PHIP: variants seen among roughly 807,000 people sequenced by gnomAD.
PHIP encodes PHIP subunit of CUL4-Ring ligase complex.
In PHIP, 54 loss-of-function variants were observed where a neutral mutation model predicts 236.8. The ratio of observed to expected loss-of-function variants is 0.23; its 90% CI spans 0.18 to 0.29. The LOEUF is 0.29. Ranked by LOEUF, PHIP falls within the 10% of genes least tolerant of loss-of-function variation. The pLI is 1.00. For missense variants in PHIP, 1,370 were observed against 2,190.8 expected (o/e 0.63, Z 7.48); for synonymous variants, 756 against 718.9 (o/e 1.05, Z -0.83).
chr6:79,069,201 C>T (rs1365268609), intron 4 of PHIP, among the ~76,000 whole-genome samples: 1 of 147,702 alleles, frequency 6.8e-6, no homozygotes, highest in Non-Finnish European at 1.5e-5. Flanking sequence ...ATATAATATA[C>T]AATATATAAA....
intron 7 of PHIP, among the ~76,000 whole-genome samples, chr6:79,042,296 T>C (rs1287530312): frequency 6.6e-6 from 1 of 151,958 alleles, no homozygotes; most frequent in East Asian, 1.9e-4. Flanking sequence ...AGAGGCTCTA[T>C]AAACAAAACA....
chr6:78,975,756 A>C (rs1435703274), intron 24 of PHIP, among the ~76,000 whole-genome samples: 1 of 152,030 alleles, frequency 6.6e-6, no homozygotes, highest in African/African-American at 2.4e-5. Context: ...CCAAATCATG[A>C]GTGAACTCCC....
intron 23 of PHIP, among the ~76,000 whole-genome samples, chr6:78,980,588 A>G (rs908149333): frequency 6.6e-6 from 1 of 152,010 alleles, no homozygotes. Flanking sequence ...AGCTTGGTAA[A>G]TAAGTTTTGT....
At chr6:78,991,476 A>G (rs1229806539) in intron 19 of PHIP, among the ~76,000 whole-genome samples, 1 of 152,190 alleles carries the variant, frequency 6.6e-6, no homozygotes, top group African/African-American at 2.4e-5. Context: ...CACCGACTGA[A>G]AAAACTCAAA....
In PHIP at chr6:79,048,003, AT is replaced by A. The variant is rs369839344; in HGVS notation, c.440-5001del. On this transcript the variant is annotated intron_variant, in intron 6 of 39. Transcript: ENST00000275034. ...TATATATGGTTATATATACATATGT[AT>A]TTTTTTTTTTTCTGTGCTGGGCCAC... Among the ~76,000 whole-genome samples, 294 of 144,676 alleles carry A rather than the reference AT, an allele frequency of 2.0e-3. 1 individual carries two copies. The highest frequency in any genetic ancestry group is 0.013 in the South Asian group (59 of 4,632). The allele number at this position is 144,676 out of a possible 152,430, so 94.9% of individuals were successfully genotyped here. A position where few individuals can be genotyped will look rare whatever the true frequency, so the allele number is the denominator to read the frequency against.
chr6:78,966,990 A>C (rs928014240), intron 27 of PHIP, among the ~76,000 whole-genome samples: 1 of 152,250 alleles, frequency 6.6e-6, no homozygotes, highest in African/African-American at 2.4e-5. Context: ...TTGACTAATG[A>C]GTTCTATTAA....
chr6:79,034,302 T>C (rs527496784), intron 7 of PHIP, among the ~76,000 whole-genome samples: 3 of 152,328 alleles, frequency 2.0e-5, no homozygotes, highest in African/African-American at 7.2e-5. Context: ...GCCTAGGCAG[T>C]GTCTAGTAAC....
At position 78,935,582 on chromosome 6, in the gene PHIP, TA is replaced by T. The variant is rs1773247558; in HGVS notation, c.*5110del. ...ACAGTAACTTACGGTAAGAAATCAA[TA>T]AAATTGTTTTATTAAATGTACACAT... On this transcript the variant is annotated 3_prime_UTR_variant, in exon 40 of 40. Transcript: ENST00000275034. 2.1e-6 allele frequency: 2 copies of T among 972,990 alleles called. No individual in the cohort carries two copies. The highest frequency in any genetic ancestry group is 3.5e-5 in the African/African-American group (2 of 56,962). The allele number at this position is 972,990 out of a possible 1,614,324, so 60.3% of individuals were successfully genotyped here. A position where few individuals can be genotyped will look rare whatever the true frequency, so the allele number is the denominator to read the frequency against.
intron 4 of PHIP, chr6:79,067,683 C>CT (rs1773691447): frequency 6.6e-6 from 1 of 152,572 alleles, no homozygotes; most frequent in Non-Finnish European, 1.5e-5. Flanking sequence ...TTACCACCCC[C>CT]TGATCGAAAG....
chr6:78,968,000 T>C (rs1423825209), intron 27 of PHIP, among the ~76,000 whole-genome samples: 2 of 150,394 alleles, frequency 1.3e-5, no homozygotes, highest in African/African-American at 4.9e-5. Context: ...TAGCCAGGCG[T>C]GGTGGCAGGA....
chr6:79,014,170 C>A (rs923075308), intron 15 of PHIP, among the ~76,000 whole-genome samples: 1 of 151,598 alleles, frequency 6.6e-6, no homozygotes, highest in East Asian at 1.9e-4. Context: ...TGCTTACTCA[C>A]GACATAGAAA....
chr6:78,996,946 A>G (rs1407187886), intron 19 of PHIP, among the ~76,000 whole-genome samples: 1 of 151,668 alleles, frequency 6.6e-6, no homozygotes, highest in East Asian at 1.9e-4. Context: ...AATACTTTTA[A>G]AGTCATAAAT....
At chr6:79,056,666 T>A (rs1378030336) in intron 6 of PHIP, among the ~76,000 whole-genome samples, 2 of 152,108 alleles carry the variant, frequency 1.3e-5, no homozygotes, top group Admixed American at 1.3e-4. Flanking sequence ...ACAGGAAAGC[T>A]GCCTACATCC....
chr6:78,978,008 A>G (rs567295081), intron 24 of PHIP, among the ~76,000 whole-genome samples: 243 of 152,296 alleles, frequency 1.6e-3, no homozygotes, highest in African/African-American at 5.5e-3. Flanking sequence ...TGTGTACAAA[A>G]CAAGGAGACA....
At chr6:78,999,238 A>G (rs1386783950) in intron 17 of PHIP, among the ~76,000 whole-genome samples, 1 of 152,170 alleles carries the variant, frequency 6.6e-6, no homozygotes, top group Non-Finnish European at 1.5e-5. Flanking sequence ...CTGCCCTTCT[A>G]AAAAGTAAAC....
chr6:78,970,100 G>A lies in PHIP; in HGVS notation c.3071C>T (p.Ala1024Val). The A allele has an allele frequency of 3.1e-6, 5 of 1,613,412 alleles. No individual in the cohort carries two copies. Among genetic ancestry groups the A allele is most frequent in the Non-Finnish European group, 4.2e-6 (5 of 1,179,490 alleles). ...GLPTLCCLKLAFLDPDTGKLT... is the reference protein window; with the variant it reads ...GLPTLCCLKLVFLDPDTGKLT... Reference sequence around the variant, plus strand: ...TTTACCAGTATCAGGATCTAGAAAAGCAAGTTTAAGGCAGCAAAGGGTAGG... The same window carrying A: ...TTTACCAGTATCAGGATCTAGAAAAACAAGTTTAAGGCAGCAAAGGGTAGG... The change falls in exon 26 of 40, where the codon GCT becomes GTT. Residue 1024 changes from alanine (A) to valine (V), a missense_variant. Around this residue, in one of 14 missense-constraint regions of PHIP, gnomAD observed 238 missense variants for 398.5 expected, o/e 0.60. Transcript: ENST00000275034.
chr6:79,061,324 C>G (rs766525510), intron 4 of PHIP, among the ~76,000 whole-genome samples: 13 of 152,136 alleles, frequency 8.5e-5, no homozygotes, highest in Non-Finnish European at 1.8e-4. Flanking sequence ...ACAGTAGTAT[C>G]TAGTTCAGCT....
chr6:78,971,962 C>T (rs1767606876), intron 24 of PHIP, among the ~76,000 whole-genome samples: 3 of 152,194 alleles, frequency 2.0e-5, no homozygotes, highest in Admixed American at 2.0e-4. Flanking sequence ...GGGGCGCCCA[C>T]CATTGCCCAG....
intron 4 of PHIP, among the ~76,000 whole-genome samples, chr6:79,073,154 A>G (rs763603307): frequency 6.6e-6 from 1 of 152,206 alleles, no homozygotes; most frequent in Non-Finnish European, 1.5e-5. Flanking sequence ...AATATTAACA[A>G]TATAGTAAGT....
Sources: allele counts gnomAD v4.1 joint callset (sites outside exome capture counted in the v4.1 genomes callset), GRCh38; gene constraint gnomAD v4.1.1; regional missense constraint gnomAD v4.1.1; transcripts MANE v1.5; gene names NCBI Gene and HGNC (gene_info 2026-07-23, HGNC 2026-07-21).